Variants in PARD3B observed in about 807,000 individuals in gnomAD.
The protein encoded by PARD3B is partitioning defective 3 homolog B.
A neutral mutation model predicts 130.2 loss-of-function variants in PARD3B; 103 were observed. The observed-to-expected ratio is 0.79, with a 90% CI of 0.67 to 0.93. The LOEUF (loss-of-function observed/expected upper bound fraction) is 0.93. Among genes scored for constraint, PARD3B ranks in the 40% least tolerant of loss-of-function variants. The probability of loss-of-function intolerance (pLI) is 0.00; values close to 1 mark genes in which losing one functional copy is unlikely to be tolerated. For synonymous variants in PARD3B, 583 were observed against 553.2 expected, an observed-to-expected ratio of 1.05 and a Z score of -0.76; for missense variants, 1,609 against 1,499.2, an observed-to-expected ratio of 1.07 and a Z score of -1.21.
At chr2:205,531,480 T>C (rs1418948879) in intron 21 of PARD3B, among the ~76,000 whole-genome samples, 1 of 152,144 alleles carries the variant, frequency 6.6e-6, no homozygotes, top group African/African-American at 2.4e-5. Flanking sequence ...TCATATTGCA[T>C]TTATTAAGAA....
In PARD3B at chr2:205,397,063, T is replaced by A. The variant is rs942805766; in HGVS notation, c.2631-3950T>A. Among the ~76,000 whole-genome samples the A allele has an allele frequency of 2.8e-4, 42 of 152,200 alleles. No individual in the cohort carries two copies. Among genetic ancestry groups the A allele is most frequent in the Admixed American group, 2.4e-3 (37 of 15,284 alleles). ...TGCCACTACTGATAATTAAGTTGTC[T>A]TATTGCAAAATGAAAAAGAATTCAG... On this transcript the variant is annotated intron_variant, in intron 18 of 22. Transcript: ENST00000406610. This position sits in a 1 kb window ranked among gnomAD's most constrained non-coding sequence, Gnocchi z 4.8.
In PARD3B at chr2:205,121,098, C is replaced by A. The variant is rs534033603; in HGVS notation, c.807-493C>A. Among the ~76,000 whole-genome samples the A allele has an allele frequency of 3.9e-5, 6 of 152,322 alleles. No homozygotes were observed. The East Asian group carries it at 1.2e-3, about 29-fold the overall frequency. On this transcript the variant is annotated intron_variant, in intron 7 of 22. Transcript: ENST00000406610. This position sits in a 1 kb window ranked among gnomAD's most constrained non-coding sequence, Gnocchi z 5.0. ...TCCATGAGCAAACATGGATGTCAAA[C>A]TTGAACTTGTGTAACACAACCCATG...
At chr2:204,742,468 G>T (rs1406463561) in intron 2 of PARD3B, among the ~76,000 whole-genome samples, 1 of 152,116 alleles carries the variant, frequency 6.6e-6, no homozygotes, top group Non-Finnish European at 1.5e-5. Context: ...GAGTAAGGGG[G>T]CAGGACCTTG....
rs1408372996 is a variant in PARD3B at position 204,943,535 on chromosome 2, C to T, written c.223-21617C>T. ...TATATGTGTGCCAGGTTTGAGGATC[C>T]TGCAAATTGCTCGTAATGGAGGTAA... On this transcript the variant is annotated intron_variant, in intron 2 of 22. Transcript: ENST00000406610. The surrounding 1 kb of genome is among the most constrained non-coding windows in gnomAD (Gnocchi z 4.2). Among the ~76,000 whole-genome samples, 2 of 152,148 alleles carry T rather than the reference C, an allele frequency of 1.3e-5. No homozygotes were observed. Among genetic ancestry groups the T allele is most frequent in the Non-Finnish European group, 1.5e-5 (1 of 68,018 alleles).
intron 1 of PARD3B, among the ~76,000 whole-genome samples, chr2:204,674,799 A>G (rs2036459228): frequency 6.6e-6 from 1 of 152,204 alleles, no homozygotes; most frequent in South Asian, 2.1e-4. Context: ...GATACACACA[A>G]CTGGTAGACA....
At chr2:205,406,681 TTTTTTTTA>T (rs1481838810) in intron 19 of PARD3B, among the ~76,000 whole-genome samples, 5 of 137,492 alleles carry the variant, frequency 3.6e-5, no homozygotes, top group African/African-American at 1.6e-4. Flanking sequence ...TTTTTTTTTT[TTTTTTTTA>T]AAGACAGAGT....
At chr2:205,019,342 T>C (rs551721046) in intron 3 of PARD3B, among the ~76,000 whole-genome samples, 68 of 152,318 alleles carry the variant, frequency 4.5e-4, no homozygotes, top group African/African-American at 1.2e-3. Context: ...TGCCAAATAA[T>C]ATTTCATTTT....
At chr2:205,534,369 G>A (rs2051742958) in intron 21 of PARD3B, among the ~76,000 whole-genome samples, 1 of 152,172 alleles carries the variant, frequency 6.6e-6, no homozygotes, top group Non-Finnish European at 1.5e-5. Context: ...AAGATGCTTG[G>A]GAAGCTGGAG....
chr2:205,409,955 A>G (rs2046541892), intron 19 of PARD3B, among the ~76,000 whole-genome samples: 1 of 152,202 alleles, frequency 6.6e-6, no homozygotes, highest in Non-Finnish European at 1.5e-5. Flanking sequence ...TAAACGTATT[A>G]AATACAGAAA....
intron 2 of PARD3B, among the ~76,000 whole-genome samples, chr2:204,877,796 AG>A (rs1361330988): frequency 1.3e-5 from 2 of 152,222 alleles, no homozygotes; most frequent in African/African-American, 4.8e-5. Context: ...TTTCTACTTC[AG>A]TCTAGCCAAA....
chr2:205,570,030 C>A (rs1024477178), intron 22 of PARD3B, among the ~76,000 whole-genome samples: 1 of 152,148 alleles, frequency 6.6e-6, no homozygotes, highest in Middle Eastern at 3.4e-3. Flanking sequence ...TTGGGAGTTG[C>A]CTTTTAATTT....
intron 2 of PARD3B, among the ~76,000 whole-genome samples, chr2:204,692,537 C>T (rs954557428): frequency 1.2e-4 from 18 of 151,160 alleles, no homozygotes; most frequent in African/African-American, 4.1e-4. Flanking sequence ...TATTTCATTT[C>T]TTAGCCCTCA....
intron 2 of PARD3B, among the ~76,000 whole-genome samples, chr2:204,797,528 A>G (rs905674706): frequency 6.6e-6 from 1 of 152,228 alleles, no homozygotes; most frequent in Admixed American, 6.5e-5. Context: ...ATTAAAGTGC[A>G]TATTGCACCA....
intron 15 of PARD3B, among the ~76,000 whole-genome samples, chr2:205,240,773 GT>G (rs1271875101): frequency 6.6e-6 from 1 of 152,142 alleles, no homozygotes; most frequent in Non-Finnish European, 1.5e-5. Context: ...TATAGAATGC[GT>G]ATCAAATGCT....
In PARD3B at chr2:205,570,452, CA is replaced by C. The variant is rs569507370; in HGVS notation, c.3260+17050del. 8.0e-4 allele frequency among the ~76,000 whole-genome samples: 122 copies of C among 152,288 alleles called. 1 individual carries two copies. The highest frequency in any genetic ancestry group is 2.0e-3 in the Admixed American group (31 of 15,292). On this transcript the variant is annotated intron_variant, in intron 22 of 22. Coordinates refer to ENST00000406610, the MANE Select transcript of PARD3B (RefSeq NM_001302769.2). ...AACTTATGAGAAGAAAATACCCATACAGTAGTTTATTGTGTGAAGGGTATCT... is the reference window on the plus strand; with the variant it reads ...AACTTATGAGAAGAAAATACCCATACGTAGTTTATTGTGTGAAGGGTATCT...
chr2:205,418,780 A>T lies in PARD3B; in HGVS notation c.2741+17657A>T, dbSNP rs62171548. ...TAAAATCTAAGGGATTTTCCAAGCA[A>T]TCAGGGTGTTTTCCATTATAGTTTC... is the stretch of plus-strand genomic sequence containing the variant. On this transcript the variant is annotated intron_variant, in intron 19 of 22. Transcript: ENST00000406610. Among the ~76,000 whole-genome samples, 1,209 of 152,248 alleles carry T rather than the reference A, an allele frequency of 7.9e-3. 6 individuals are homozygous for T. The highest frequency in any genetic ancestry group is 0.013 in the Non-Finnish European group (901 of 68,016).
intron 2 of PARD3B, among the ~76,000 whole-genome samples, chr2:204,779,477 G>A (rs1183834035): frequency 6.6e-6 from 1 of 152,176 alleles, no homozygotes. Context: ...ATAATGGCAA[G>A]TCGTGTTTTA....
intron 1 of PARD3B, among the ~76,000 whole-genome samples, chr2:204,594,591 A>T (rs1331852231): frequency 6.6e-6 from 1 of 152,200 alleles, no homozygotes; most frequent in Non-Finnish European, 1.5e-5. Flanking sequence ...CTTATTTGGC[A>T]TCCCAGTGCT....
rs754380947 is a variant in PARD3B, at chr2:204,965,154, G to C, written c.225G>C (p.Leu75=). ...AGTGTTGTTGGATTTGTTTGTAGCT[G>C]ATTGCTGTGTTTGAAGAACAAGAAC... ...LADVVEDKDK[L]IAVFEEQEPL... The change falls in exon 3 of 23, where the codon CTG becomes CTC. Residue 75 remains leucine, a splice_region_variant and synonymous_variant. Coordinates refer to ENST00000406610, the MANE Select transcript of PARD3B (RefSeq NM_001302769.2). The C allele has an allele frequency of 1.2e-6, 2 of 1,613,014 alleles. No homozygotes were observed. The highest frequency in any genetic ancestry group is 1.7e-6 in the Non-Finnish European group (2 of 1,179,436).
Sources: allele counts gnomAD v4.1 joint callset (sites outside exome capture counted in the v4.1 genomes callset), GRCh38; gene constraint gnomAD v4.1.1; non-coding constraint Gnocchi (gnomAD v3.1); transcripts MANE v1.5; gene names NCBI Gene and HGNC (gene_info 2026-07-23, HGNC 2026-07-21).